Variants in DOK6 observed in about 807,000 individuals in gnomAD.
DOK6 encodes downstream of tyrosine kinase 6.
Under a neutral mutation model 44.0 loss-of-function variants are expected in DOK6, and 22 were observed. The ratio of observed to expected loss-of-function variants is 0.50; its 90% CI spans 0.36 to 0.71. The LOEUF (loss-of-function observed/expected upper bound fraction) is 0.71. Ranked by LOEUF, DOK6 falls within the 30% of genes least tolerant of loss-of-function variation. The pLI, the probability that DOK6 is intolerant of heterozygous loss-of-function variation, is 0.00. For missense variants in DOK6, 340 were observed against 416.4 expected, an observed-to-expected ratio of 0.82 and a Z score of 1.60; for synonymous variants, 166 against 145.5, an observed-to-expected ratio of 1.14 and a Z score of -1.01.
rs1491370092 is a variant in DOK6, at chr18:69,487,175, A to ATG, written c.67-77311_67-77310insGT. On this transcript the variant is annotated intron_variant, in intron 1 of 7. Transcript: ENST00000382713. ...TACAATTAGCCTTGGCACTGATAGG[A>ATG]TATGTGTGTGTGTGTGTGTGTGTGT... 4.2e-3 allele frequency among the ~76,000 whole-genome samples: 432 copies of ATG among 102,592 alleles called. 2 individuals carry two copies. The highest frequency in any genetic ancestry group is 0.014 in the African/African-American group (403 of 28,610). 67.3% of individuals were successfully genotyped at this position (102,592 alleles called of 152,430 possible). A position where few individuals can be genotyped will look rare whatever the true frequency, so the allele number is the denominator to read the frequency against.
chr18:69,821,211 C>A (rs990454553), intron 7 of DOK6, among the ~76,000 whole-genome samples: 1 of 152,102 alleles, frequency 6.6e-6, no homozygotes, highest in African/African-American at 2.4e-5. Flanking sequence ...ACCGATAGGA[C>A]ATACATGTCT....
At chr18:69,540,290 A>T (rs914662989) in intron 1 of DOK6, among the ~76,000 whole-genome samples, 9 of 152,088 alleles carry the variant, frequency 5.9e-5, no homozygotes, top group African/African-American at 1.9e-4. Context: ...TTGCTTTCCT[A>T]TTCTGATTAC....
intron 7 of DOK6, among the ~76,000 whole-genome samples, chr18:69,792,122 T>G (rs1416833348): frequency 1.3e-5 from 2 of 152,166 alleles, no homozygotes; most frequent in African/African-American, 4.8e-5. Context: ...TGTCTGTTTT[T>G]ATGCCATTAC....
intron 2 of DOK6, among the ~76,000 whole-genome samples, chr18:69,592,112 T>G: frequency 6.6e-6 from 1 of 152,126 alleles, no homozygotes; most frequent in East Asian, 1.9e-4. Flanking sequence ...AAACACATAA[T>G]AAAAATATTT....
At chr18:69,584,827 A>G (rs1983462556) in intron 2 of DOK6, among the ~76,000 whole-genome samples, 1 of 151,724 alleles carries the variant, frequency 6.6e-6, no homozygotes, top group African/African-American at 2.4e-5. Context: ...TCCTAGATAT[A>G]CAGTCTTTTA....
intron 3 of DOK6, among the ~76,000 whole-genome samples, chr18:69,604,770 T>C (rs1479675154): frequency 2.0e-5 from 3 of 152,286 alleles, no homozygotes; most frequent in East Asian, 1.9e-4. Context: ...TATCTGTTAA[T>C]AAAATTTCAT....
At chr18:69,445,661 G>C (rs1979264913) in intron 1 of DOK6, among the ~76,000 whole-genome samples, 2 of 152,020 alleles carry the variant, frequency 1.3e-5, no homozygotes. Context: ...CTTGGTTATT[G>C]TGTATATATT....
rs1042083917 is a variant in DOK6, at chr18:69,480,222, AT to A, written c.66+78913del. ...TTTTATGGACTCTATCATTTTAAAT[AT>A]CCTTATTGGTATATAATTTAAAAGA... On this transcript the variant is annotated intron_variant, in intron 1 of 7. Coordinates refer to ENST00000382713, the MANE Select transcript of DOK6 (RefSeq NM_152721.6). Among the ~76,000 whole-genome samples the A allele has an allele frequency of 6.1e-5, 9 of 148,652 alleles. 1 individual carries two copies. The highest frequency in any genetic ancestry group is 2.2e-4 in the African/African-American group (9 of 40,880).
At chr18:69,802,265 C>A (rs577161211) in intron 7 of DOK6, among the ~76,000 whole-genome samples, 1 of 152,182 alleles carries the variant, frequency 6.6e-6, no homozygotes, top group East Asian at 1.9e-4. Flanking sequence ...GTCTGATTTA[C>A]CATGGTTCAA....
Position 69,753,759 on chromosome 18 carries a change from T to G in DOK6, c.739-3997T>G, listed in dbSNP as rs528482999. The stretch of plus-strand genomic sequence containing the variant: ...AAGGAGAAGCATCGCCTACAGGAAA[T>G]AGTCTTATAAATAACAAGGGAATTC... On this transcript the variant is annotated intron_variant, in intron 6 of 7. Transcript: ENST00000382713. Among the ~76,000 whole-genome samples the G allele has an allele frequency of 4.6e-5, 7 of 152,156 alleles. No homozygotes were observed. In the South Asian group the frequency reaches 1.5e-3, roughly 32 times the overall value.
chr18:69,445,500 CAGTT>C (rs1315410874), intron 1 of DOK6, among the ~76,000 whole-genome samples: 1 of 152,044 alleles, frequency 6.6e-6, no homozygotes, highest in African/African-American at 2.4e-5. Context: ...TATCATGAAA[CAGTT>C]TGTTTGGGAT....
chr18:69,584,389 G>A (rs1983449056), intron 2 of DOK6, among the ~76,000 whole-genome samples: 1 of 151,918 alleles, frequency 6.6e-6, no homozygotes, highest in African/African-American at 2.4e-5. Flanking sequence ...GGGTTCAAGC[G>A]ATTCCTGATT....
chr18:69,403,235 C>T (rs562916330), intron 1 of DOK6, among the ~76,000 whole-genome samples: 1 of 152,204 alleles, frequency 6.6e-6, no homozygotes, highest in African/African-American at 2.4e-5. Flanking sequence ...CGCACTTGGC[C>T]CTGGAGTCTA....
intron 3 of DOK6, among the ~76,000 whole-genome samples, chr18:69,657,130 A>G (rs1169311818): frequency 6.6e-6 from 1 of 152,228 alleles, no homozygotes; most frequent in Non-Finnish European, 1.5e-5. Context: ...CTAGTTATAT[A>G]CTTTTTACAA....
At chr18:69,689,244 A>T (rs1986214614) in intron 4 of DOK6, among the ~76,000 whole-genome samples, 2 of 152,342 alleles carry the variant, frequency 1.3e-5, no homozygotes, top group South Asian at 4.1e-4. Flanking sequence ...GGACAGAAGC[A>T]TTACATGTCT....
chr18:69,778,011 T>C (rs1278315742), intron 7 of DOK6: 1 of 152,046 alleles, frequency 6.6e-6, no homozygotes, highest in Non-Finnish European at 1.5e-5. Context: ...TTGAAAATAA[T>C]GATAAATGCT....
intron 5 of DOK6, among the ~76,000 whole-genome samples, chr18:69,729,888 C>T (rs1355986257): frequency 2.0e-5 from 3 of 151,852 alleles, no homozygotes; most frequent in Non-Finnish European, 4.4e-5. Flanking sequence ...CTAATAAAGG[C>T]TTTCAAAAAG....
At chr18:69,739,350 G>T (rs943705611) in intron 6 of DOK6, among the ~76,000 whole-genome samples, 100 of 152,318 alleles carry the variant, frequency 6.6e-4, no homozygotes, top group African/African-American at 2.3e-3. Flanking sequence ...TGTTGCCTTG[G>T]ATGTCAGAGA....
chr18:69,733,108 T>G (rs1035654650), intron 5 of DOK6, among the ~76,000 whole-genome samples: 26 of 151,984 alleles, frequency 1.7e-4, no homozygotes, highest in African/African-American at 5.8e-4. Context: ...GTGGGCAGAT[T>G]ACTTGAGCGC....
Sources: allele counts gnomAD v4.1 joint callset (sites outside exome capture counted in the v4.1 genomes callset), GRCh38; gene constraint gnomAD v4.1.1; transcripts MANE v1.5; gene names NCBI Gene and HGNC (gene_info 2026-07-23, HGNC 2026-07-21).